FCHO2: variants seen among roughly 807,000 people sequenced by gnomAD.
The protein encoded by FCHO2 is F-BAR domain only protein 2.
In FCHO2, 43 loss-of-function variants were observed where a neutral mutation model predicts 114.1. The ratio of observed to expected loss-of-function variants is 0.38; its 90% CI spans 0.30 to 0.49. FCHO2 has a LOEUF of 0.49. FCHO2 is among the 20% of genes least tolerant of loss of function. FCHO2 has a pLI of 0.97. For synonymous variants in FCHO2, 293 were observed against 315.2 expected (o/e 0.93, Z 0.75); for missense variants, 807 against 950.4 (o/e 0.85, Z 1.98).
At chr5:72,971,008 T>C (rs965081319) in intron 2 of FCHO2, among the ~76,000 whole-genome samples, 1 of 152,196 alleles carries the variant, frequency 6.6e-6, no homozygotes, top group African/African-American at 2.4e-5. Flanking sequence ...GTTTCATCCA[T>C]GTCCCTACAA....
intron 17 of FCHO2, among the ~76,000 whole-genome samples, chr5:73,062,674 A>T (rs1265506518): frequency 6.6e-6 from 1 of 151,930 alleles, no homozygotes; most frequent in Admixed American, 6.6e-5. Flanking sequence ...TGCATCTTTT[A>T]TCTCTTATTA....
At chr5:73,010,529 A>G (rs1176175757) in intron 6 of FCHO2, among the ~76,000 whole-genome samples, 7 of 152,090 alleles carry the variant, frequency 4.6e-5, no homozygotes, top group African/African-American at 1.7e-4. Flanking sequence ...CAACAGGGAT[A>G]CACTTTAAGA....
At chr5:72,964,860 AATGGAAAATTCCAGAAATAATTC>A (rs1387169469) in intron 1 of FCHO2, among the ~76,000 whole-genome samples, 1 of 152,164 alleles carries the variant, frequency 6.6e-6, no homozygotes, top group Non-Finnish European at 1.5e-5. Context: ...GAAAATATTA[AATGGAAAATTCCAGAAATAATTC>A]ATAAGCATTG....
chr5:73,079,054 C>T (rs2112891459), intron 22 of FCHO2, among the ~76,000 whole-genome samples: 1 of 152,220 alleles, frequency 6.6e-6, no homozygotes, highest in Non-Finnish European at 1.5e-5. Context: ...GCTTGACAAT[C>T]ATTTTCACGT....
intron 18 of FCHO2, among the ~76,000 whole-genome samples, chr5:73,064,759 T>C (rs1027003308): frequency 6.6e-6 from 1 of 151,982 alleles, no homozygotes; most frequent in Non-Finnish European, 1.5e-5. Context: ...CTTAAACACA[T>C]CATGGTCTTT....
chr5:72,974,989 CG>C (rs1357356603), intron 2 of FCHO2, among the ~76,000 whole-genome samples: 1 of 152,054 alleles, frequency 6.6e-6, no homozygotes, highest in African/African-American at 2.4e-5. Flanking sequence ...ATATGAAATT[CG>C]GGGTTGAAAA....
chr5:73,021,886 T>C (rs960386423), intron 8 of FCHO2, among the ~76,000 whole-genome samples: 6 of 152,204 alleles, frequency 3.9e-5, no homozygotes, highest in Non-Finnish European at 7.3e-5. Flanking sequence ...TTTAGTGAGC[T>C]CTTACTGTGT....
At chr5:72,997,571 C>G in intron 5 of FCHO2, 2 of 1,324,368 alleles carry the variant, frequency 1.5e-6, no homozygotes, top group Non-Finnish European at 2.2e-6. Context: ...GCTCCCGATG[C>G]TGGATGCCCT....
chr5:72,997,700 T>G, intron 5 of FCHO2: 1 of 1,536,480 alleles, frequency 6.5e-7, no homozygotes. Flanking sequence ...GGCGAGCCCT[T>G]GGGATACCGT....
At chr5:73,004,047 CAAAAA>C (rs34849736) in intron 5 of FCHO2, among the ~76,000 whole-genome samples, 1 of 26,498 alleles carries the variant, frequency 3.8e-5, no homozygotes, top group African/African-American at 1.4e-4. Flanking sequence ...GACTCCATCT[CAAAAA>C]AAAAAAAAAA....
chr5:72,973,276 G>C (rs1181116306), intron 2 of FCHO2, among the ~76,000 whole-genome samples: 1 of 152,122 alleles, frequency 6.6e-6, no homozygotes, highest in African/African-American at 2.4e-5. Flanking sequence ...CAGAAGGAAT[G>C]GTACCAGTTC....
At chr5:73,059,065 A>G (rs1451390804) in intron 17 of FCHO2, among the ~76,000 whole-genome samples, 2 of 152,198 alleles carry the variant, frequency 1.3e-5, no homozygotes, top group Non-Finnish European at 2.9e-5. Flanking sequence ...AATGTTTTTT[A>G]GTTGTTTTGG....
At chr5:72,985,911 A>C (rs1753496766) in intron 2 of FCHO2, among the ~76,000 whole-genome samples, 1 of 152,074 alleles carries the variant, frequency 6.6e-6, no homozygotes, top group Admixed American at 6.5e-5. Flanking sequence ...ATCTTTTATC[A>C]GTTTTGGAAA....
chr5:73,087,965 A>C, intron 25 of FCHO2, 103 bp from the exon 26 acceptor site: 1 of 1,496,240 alleles, frequency 6.7e-7, no homozygotes, highest in Non-Finnish European at 9.2e-7. Flanking sequence ...TGTACTGTAA[A>C]TAGCAGATGG....
At chr5:73,007,247 G>A (rs1754765939) in intron 6 of FCHO2, among the ~76,000 whole-genome samples, 1 of 152,100 alleles carries the variant, frequency 6.6e-6, no homozygotes, top group Admixed American at 6.6e-5. Flanking sequence ...TTCTCATGCT[G>A]CGTGTTCATT....
At chr5:73,000,049 A>G (rs1265004588) in intron 5 of FCHO2, among the ~76,000 whole-genome samples, 4 of 152,134 alleles carry the variant, frequency 2.6e-5, no homozygotes, top group Non-Finnish European at 4.4e-5. Flanking sequence ...TCTGTTTTCC[A>G]GGCTGGAGTG....
chr5:73,037,826 G>T, intron 10 of FCHO2: 1 of 352,572 alleles, frequency 2.8e-6, no homozygotes, highest in Non-Finnish European at 5.6e-6. Flanking sequence ...GCGCGATCTT[G>T]GCTTACTGCA....
rs755689017 is a variant in FCHO2 at position 73,015,732 on chromosome 5, T to G, written c.699+8T>G. ...CATTTGCAGATAGGCCAGGTAAGTT[T>G]TTTTACTTTATGTTGAACTATTCAT... On this transcript the variant is annotated splice_region_variant and intron_variant, in intron 7 of 25. Transcript: ENST00000430046. 1 of 1,531,926 alleles carries G rather than the reference T, an allele frequency of 6.5e-7. No individual in the cohort carries two copies. The highest frequency in any genetic ancestry group is 2.3e-5 in the Admixed American group (1 of 43,826). The allele number at this position is 1,531,926 out of a possible 1,614,324, so 94.9% of individuals were successfully genotyped here.
intron 8 of FCHO2, among the ~76,000 whole-genome samples, chr5:73,033,430 C>T (rs76619624): frequency 0.046 from 6,966 of 151,862 alleles, 275 homozygotes; most frequent in Admixed American, 0.11. Context: ...TTTTAGATCC[C>T]CCTATTTGTA....
Sources: allele counts gnomAD v4.1 joint callset (sites outside exome capture counted in the v4.1 genomes callset), GRCh38; gene constraint gnomAD v4.1.1; transcripts MANE v1.5; gene names NCBI Gene and HGNC (gene_info 2026-07-23, HGNC 2026-07-21).